The following AGL variants were observed in gnomAD, a reference collection of about 807,000 sequenced individuals.
AGL encodes glycogen debranching enzyme.
In AGL, 128 loss-of-function variants were observed where a neutral mutation model predicts 199.3. The observed-to-expected ratio is 0.64, with a 90% CI of 0.56 to 0.74. The LOEUF (loss-of-function observed/expected upper bound fraction) is 0.74. AGL is among the 30% of genes least tolerant of loss of function. The pLI, the probability that AGL is intolerant of heterozygous loss-of-function variation, is 0.00. For synonymous variants in AGL, 584 were observed against 594.7 expected (o/e 0.98, Z 0.26); for missense variants, 1,809 against 1,820.8 (o/e 0.99, Z 0.12).
chr1:99,913,540 G>C lies in AGL; in HGVS notation c.3963G>C (p.Lys1321Asn), dbSNP rs1198045021. The change falls in exon 30 of 34, where the codon AAG (lysine) becomes AAC (asparagine). Residue 1321 changes from lysine to asparagine, a missense_variant. Coordinates refer to ENST00000361915, the MANE Select transcript of AGL (RefSeq NM_000642.3). Reference protein sequence around the residue: ...VTVKRHGKAIKVSYDEWNRKI... With the variant: ...VTVKRHGKAINVSYDEWNRKI... The stretch of plus-strand genomic sequence containing the variant: ...GTCATTTTTCAGGAAAGGCTATAAA[G>C]GTCTCATATGATGAGTGGAACAGAA... 2 of 1,613,190 alleles carry C rather than the reference G, an allele frequency of 1.2e-6. No individual in the cohort carries two copies. Among genetic ancestry groups the C allele is most frequent in the Admixed American group, 3.3e-5 (2 of 59,930 alleles).
chr1:99,862,532 A>G, intron 4 of AGL, 109 bp downstream of exon 4: 1 of 1,178,720 alleles, frequency 8.5e-7, no homozygotes, highest in Non-Finnish European at 1.2e-6. Context: ...CATTGCAGTA[A>G]AGAACTACCT....
At chr1:99,899,556 CTT>C (rs1347570169) in intron 25 of AGL, among the ~76,000 whole-genome samples, 1 of 150,306 alleles carries the variant, frequency 6.7e-6, no homozygotes, top group Admixed American at 6.6e-5. Flanking sequence ...CTCTCTCTCT[CTT>C]TCCCTCCCTC....
At chr1:99,917,783 G>A (rs890735455) in intron 33 of AGL, among the ~76,000 whole-genome samples, 1 of 152,022 alleles carries the variant, frequency 6.6e-6, no homozygotes, top group African/African-American at 2.4e-5. Context: ...CTTCAAGTAA[G>A]GTATAAAGAT....
At chr1:99,909,486 G>A (rs571091587) in intron 27 of AGL, among the ~76,000 whole-genome samples, 6 of 152,260 alleles carry the variant, frequency 3.9e-5, no homozygotes, top group African/African-American at 1.4e-4. Context: ...TACTGGCACA[G>A]GGCGGATGTT....
intron 28 of AGL, 109 bp downstream of exon 28, chr1:99,910,956 A>G: frequency 8.2e-7 from 1 of 1,226,494 alleles, no homozygotes; most frequent in Non-Finnish European, 1.2e-6. Flanking sequence ...AAGTCAATCA[A>G]AATTTCCCTG....
chr1:99,887,994 ACTTTGG>A lies in AGL; in HGVS notation c.2701_2706del (p.Leu901_Ala902del), dbSNP rs1652578570. 1 of 1,613,456 alleles carries A rather than the reference ACTTTGG, an allele frequency of 6.2e-7. No homozygotes were observed. Among genetic ancestry groups the A allele is most frequent in the East Asian group, 2.2e-5 (1 of 44,830 alleles). On this transcript the variant is annotated inframe_deletion, in exon 21 of 34. Transcript: ENST00000361915. The stretch of plus-strand genomic sequence containing the variant: ...AATTCTTAGTCTTGCCTCCAGATTA[ACTTTGG>A]CTGAGCTAAATCAGATCCTTTACCG...
Position 99,851,088 on chromosome 1 carries a change from G to A in AGL, c.46G>A (p.Glu16Lys). Residue 16 changes from glutamate (E) to lysine (K), a missense_variant, in exon 2 of 34, where the codon GAG (glutamate) becomes AAG (lysine). Transcript: ENST00000361915. ...QIRILLLNEMEKLEKTLFRLE... is the reference protein window; with the variant it reads ...QIRILLLNEMKKLEKTLFRLE... ...TCGAATTTTACTTCTGAACGAAATG[G>A]AGAAACTGGAAAAGACCCTCTTCAG... 1.9e-6 allele frequency: 3 copies of A among 1,614,084 alleles called. No homozygotes were observed. The highest frequency in any genetic ancestry group is 2.5e-6 in the Non-Finnish European group (3 of 1,179,986).
At chr1:99,907,686 G>GTTTTTTT (rs1238445536) in intron 27 of AGL, among the ~76,000 whole-genome samples, 10 of 59,868 alleles carry the variant, frequency 1.7e-4, no homozygotes, top group Middle Eastern at 6.8e-3. Flanking sequence ...GTTTGTTTTT[G>GTTTTTTT]TTTTTTGTTT....
intron 4 of AGL, among the ~76,000 whole-genome samples, chr1:99,863,490 A>G (rs1255259738): frequency 1.3e-5 from 2 of 152,022 alleles, no homozygotes; most frequent in Non-Finnish European, 2.9e-5. Flanking sequence ...CAAGAGCAAA[A>G]TGAAACTTGT....
In AGL at chr1:99,896,373, G is replaced by C. The variant is rs746779518; in HGVS notation, c.3347G>C (p.Arg1116Pro). 6.2e-7 allele frequency: 1 copy of C among 1,613,468 alleles called. No homozygotes were observed. Among genetic ancestry groups the C allele is most frequent in the South Asian group, 1.1e-5 (1 of 91,058 alleles). ...AGAGGTATACTGCTGATTACTGGAC[G>C]CTATGTAGAAGCCAGGTAGGAGAGC... ...ALRGILLITG[R>P]YVEARNIILA... Residue 1116 changes from arginine to proline, a missense_variant, in exon 25 of 34, where the codon CGC (arginine) becomes CCC (proline). Arg to Pro is a moderately radical substitution (Grantham distance 103, BLOSUM62 -2). Coordinates refer to ENST00000361915, the MANE Select transcript of AGL (RefSeq NM_000642.3).
chr1:99,914,092 T>G (rs1654941073), intron 30 of AGL, among the ~76,000 whole-genome samples: 1 of 151,784 alleles, frequency 6.6e-6, no homozygotes, highest in African/African-American at 2.4e-5. Flanking sequence ...GAGACCAGCC[T>G]GGATATCATA....
chr1:99,860,170 T>A lies in AGL; in HGVS notation c.83-1333T>A, dbSNP rs1289124028. ...CACTATAGAGCATTCTCTTAGTGTC[T>A]TTTACTGAAATCTTTTGTTCACAGA... On this transcript the variant is annotated intron_variant, in intron 2 of 33. Transcript: ENST00000361915. 2.0e-5 allele frequency among the ~76,000 whole-genome samples: 3 copies of A among 152,218 alleles called. No homozygotes were observed. The South Asian group carries it at 6.2e-4, about 32-fold the overall frequency.
chr1:99,870,691 T>C (rs1235087208), intron 6 of AGL, 67 bp from the exon 7 acceptor site: 49 of 1,435,148 alleles, frequency 3.4e-5, no homozygotes, highest in Non-Finnish European at 4.6e-5. Flanking sequence ...TGATAAACAG[T>C]ATTTGCTTAA....
intron 7 of AGL, among the ~76,000 whole-genome samples, chr1:99,873,298 G>A (rs1651184618): frequency 6.6e-6 from 1 of 151,990 alleles, no homozygotes; most frequent in African/African-American, 2.4e-5. Context: ...ATAGTGTATG[G>A]TAATATACAA....
intron 27 of AGL, among the ~76,000 whole-genome samples, chr1:99,908,761 C>G (rs1268634434): frequency 6.6e-6 from 1 of 152,066 alleles, no homozygotes; most frequent in African/African-American, 2.4e-5. Context: ...TTTCATTTTA[C>G]CAAGTAGCCG....
At chr1:99,863,913 A>T (rs1275478207) in intron 4 of AGL, among the ~76,000 whole-genome samples, 1 of 152,136 alleles carries the variant, frequency 6.6e-6, no homozygotes, top group Non-Finnish European at 1.5e-5. Flanking sequence ...AAGTGCTGGG[A>T]TTACAGGTGC....
rs1182704445 is a variant in AGL at position 99,899,446 on chromosome 1, TCAACCAGTTTTTAAA to T, written c.3363-1188_3363-1174del. 7.4e-4 allele frequency among the ~76,000 whole-genome samples: 112 copies of T among 152,256 alleles called. 1 individual carries two copies. Among genetic ancestry groups the T allele is most frequent in the African/African-American group, 2.6e-3 (107 of 41,556 alleles). The stretch of plus-strand genomic sequence containing the variant: ...TAATGCTTTAAAAAATTAACTGTCT[TCAACCAGTTTTTAAA>T]CTGGTTGAATTATGTTTTTCAAGGT... On this transcript the variant is annotated intron_variant, in intron 25 of 33. Transcript: ENST00000361915.
At position 99,864,423 on chromosome 1, in the gene AGL, T is replaced by TG. The variant is rs1443902661; in HGVS notation, c.500dup (p.Leu168ThrfsTer3). 5 of 1,614,010 alleles carry TG rather than the reference T, an allele frequency of 3.1e-6. No homozygotes were observed. Among genetic ancestry groups the TG allele is most frequent in the Non-Finnish European group, 3.4e-6 (4 of 1,179,928 alleles). The stretch of plus-strand genomic sequence containing the variant: ...TTCATTTTACCCCATTGCAGACTCT[T>TG]GGACTATCTAGGTCATGCTACTCCC... On this transcript the variant is annotated frameshift_variant, in exon 5 of 34. Transcript: ENST00000361915. LOFTEE classifies it high-confidence loss of function.
intron 27 of AGL, among the ~76,000 whole-genome samples, chr1:99,905,851 G>C (rs888783031): frequency 8.5e-5 from 13 of 152,134 alleles, no homozygotes; most frequent in African/African-American, 3.1e-4. Flanking sequence ...AAAGTGCTGG[G>C]ATTACAGGGA....
Sources: gnomAD v4.1 joint callset for allele counts (sites outside exome capture counted in the v4.1 genomes callset) on GRCh38, gnomAD v4.1.1 for gene constraint, MANE v1.5 for transcripts, NCBI Gene and HGNC (gene_info 2026-07-23, HGNC 2026-07-21) for gene names.